NEBL: variants seen among roughly 807,000 people sequenced by gnomAD.
NEBL encodes LIM and SH3 protein 2.
In NEBL, 122 loss-of-function variants were observed where a neutral mutation model predicts 140.2. The observed-to-expected ratio is 0.87, with a 90% confidence interval of 0.75 to 1.01. The LOEUF is 1.01. NEBL is among the 50% of genes least tolerant of loss of function. NEBL has a pLI of 0.00. For missense variants in NEBL, 1,365 were observed against 1,231.3 expected (o/e 1.11, Z -1.62); for synonymous variants, 436 against 398.9 (o/e 1.09, Z -1.11).
chr10:20,847,348 TC>T (rs1356678514), intron 11 of NEBL, among the ~76,000 whole-genome samples: 5 of 152,258 alleles, frequency 3.3e-5, no homozygotes, highest in Non-Finnish European at 5.9e-5. Flanking sequence ...GGAATATATG[TC>T]AGGGAAAACA....
At chr10:21,030,825 T>C (rs922525926) in intron 2 of NEBL, 11 of 354,254 alleles carry the variant, frequency 3.1e-5, no homozygotes, top group African/African-American at 2.3e-4. Context: ...GACAATGATA[T>C]TAGTCATGTC....
chr10:21,059,611 T>C (rs879284884), intron 2 of NEBL, among the ~76,000 whole-genome samples: 1 of 152,226 alleles, frequency 6.6e-6, no homozygotes, highest in Admixed American at 6.5e-5. Flanking sequence ...AAAAGCATAA[T>C]GCTCTGTGCC....
chr10:20,925,570 G>T (rs1252067346), intron 4 of NEBL, among the ~76,000 whole-genome samples: 1 of 152,084 alleles, frequency 6.6e-6, no homozygotes, highest in African/African-American at 2.4e-5. Context: ...TGGCTGGCCT[G>T]ACTTACCTTA....
intron 20 of NEBL, chr10:20,818,835 C>T (rs1838989405): frequency 1.0e-6 from 1 of 990,672 alleles, no homozygotes; most frequent in South Asian, 4.6e-5. Context: ...AGTTCATGCC[C>T]TTCAACAAGG....
intron 2 of NEBL, among the ~76,000 whole-genome samples, chr10:21,027,987 C>T (rs926476555): frequency 1.3e-5 from 2 of 151,766 alleles, no homozygotes; most frequent in African/African-American, 4.8e-5. Flanking sequence ...TTTGGGAGGC[C>T]AAGGCAGGTG....
intron 2 of NEBL, among the ~76,000 whole-genome samples, chr10:21,046,165 GA>G (rs1436477781): frequency 6.6e-6 from 1 of 152,172 alleles, no homozygotes; most frequent in African/African-American, 2.4e-5. Flanking sequence ...ACTCATCCAT[GA>G]AATCTAAAAA....
chr10:20,940,568 C>A (rs1185872548), intron 4 of NEBL, among the ~76,000 whole-genome samples: 1 of 141,916 alleles, frequency 7.0e-6, no homozygotes, highest in African/African-American at 2.7e-5. Context: ...TAGCAGAAGG[C>A]AAGAAATAAC....
chr10:20,883,621 G>C (rs1373199256), intron 4 of NEBL, among the ~76,000 whole-genome samples: 1 of 152,174 alleles, frequency 6.6e-6, no homozygotes, highest in Non-Finnish European at 1.5e-5. Flanking sequence ...TAAATGAAAA[G>C]AACTAGTATA....
intron 2 of NEBL, among the ~76,000 whole-genome samples, chr10:21,133,844 C>T (rs1266884692): frequency 6.6e-6 from 1 of 152,132 alleles, no homozygotes; most frequent in African/African-American, 2.4e-5. Context: ...GCTTAGGAAC[C>T]ACTTGATGCT....
At position 21,077,218 on chromosome 10, in the gene NEBL, T is replaced by A. The variant is rs1166823648; in HGVS notation, c.165-57017A>T. On this transcript the variant is annotated intron_variant, in intron 2 of 6. Coordinates refer to the NEBL transcript ENST00000417816. ...TTAAAACTCATGCTTAATCTACTTT[T>A]CTTCAAAAAAAATAAAAAATCAAAG... is the stretch of plus-strand genomic sequence containing the variant. 2.0e-5 allele frequency among the ~76,000 whole-genome samples: 3 copies of A among 149,100 alleles called. No individual in the cohort carries two copies. The East Asian group carries it at 5.9e-4, about 29-fold the overall frequency.
chr10:21,159,204 A>G (rs1361054984), intron 2 of NEBL, among the ~76,000 whole-genome samples: 2 of 152,054 alleles, frequency 1.3e-5, no homozygotes, highest in Non-Finnish European at 2.9e-5. Flanking sequence ...CTTCTATCTC[A>G]CTTGAGCCAC....
At chr10:20,997,462 C>T (rs1004824737) in intron 3 of NEBL, among the ~76,000 whole-genome samples, 2 of 74,168 alleles carry the variant, frequency 2.7e-5, no homozygotes, top group African/African-American at 9.4e-5. Flanking sequence ...AATAAACGCA[C>T]AGTCTCAGTA....
rs536254663 is a variant in NEBL, at chr10:21,291,296, A to C, written n.182+1534T>G. Among the ~76,000 whole-genome samples, 9 of 151,980 alleles carry C rather than the reference A, an allele frequency of 5.9e-5. No homozygotes were observed. The East Asian group carries it at 1.6e-3, about 26-fold the overall frequency. On this transcript the variant is annotated intron_variant and non_coding_transcript_variant, in intron 1 of 8. Transcript: ENST00000675702. ...CAAGGCAGGCAGATCACTTGAGGTC[A>C]GGAGTTCAAGACCAGCCTGGCCAAC...
At chr10:21,194,849 A>G (rs1373106844) in intron 3 of NEBL, among the ~76,000 whole-genome samples, 1 of 150,958 alleles carries the variant, frequency 6.6e-6, no homozygotes, top group African/African-American at 2.4e-5. Context: ...ATACTAATAC[A>G]CAGAGCTATG....
intron 1 of NEBL, among the ~76,000 whole-genome samples, chr10:21,277,561 G>A (rs1208128601): frequency 6.6e-6 from 1 of 152,168 alleles, no homozygotes; most frequent in Non-Finnish European, 1.5e-5. Flanking sequence ...AATGGAAATA[G>A]TGATAGGATC....
chr10:21,061,551 TATATAA>T (rs71392110), intron 2 of NEBL, among the ~76,000 whole-genome samples: 1 of 146,782 alleles, frequency 6.8e-6, no homozygotes, highest in Admixed American at 6.9e-5. Context: ...ATTTTATACA[TATATAA>T]ATATAAATAT....
At chr10:20,799,659 G>T (rs888493574) in intron 26 of NEBL, among the ~76,000 whole-genome samples, 1 of 152,166 alleles carries the variant, frequency 6.6e-6, no homozygotes, top group Non-Finnish European at 1.5e-5. Context: ...ATTCTTTACA[G>T]AAGTCAGGCT....
At chr10:21,123,010 T>C (rs1838650449) in intron 2 of NEBL, among the ~76,000 whole-genome samples, 1 of 152,182 alleles carries the variant, frequency 6.6e-6, no homozygotes, top group Non-Finnish European at 1.5e-5. Context: ...TTTGGCTGGT[T>C]CTAATAACAA....
At chr10:21,291,092 T>A (rs940595775) in intron 1 of NEBL, among the ~76,000 whole-genome samples, 2 of 152,152 alleles carry the variant, frequency 1.3e-5, no homozygotes, top group Non-Finnish European at 2.9e-5. Flanking sequence ...AGGGCTTTCT[T>A]TGCTAATTCC....
Sources: gnomAD v4.1 joint callset for allele counts (sites outside exome capture counted in the v4.1 genomes callset) on GRCh38, gnomAD v4.1.1 for gene constraint, MANE v1.5 for transcripts, NCBI Gene and HGNC (gene_info 2026-07-23, HGNC 2026-07-21) for gene names.